HPSE2: variants seen among roughly 807,000 people sequenced by gnomAD.
The protein encoded by HPSE2 is inactive heparanase-2.
HPSE2 carries 38 observed loss-of-function variants against 60.5 expected under a neutral mutation model. The ratio of observed to expected loss-of-function variants is 0.63; its 90% CI spans 0.48 to 0.82. HPSE2 has a LOEUF of 0.82. Ranked by LOEUF, HPSE2 falls within the 40% of genes least tolerant of loss-of-function variation. The pLI is 0.00. For missense variants in HPSE2, 713 were observed against 740.4 expected, an observed-to-expected ratio of 0.96 and a Z score of 0.43; for synonymous variants, 295 against 293.2, an observed-to-expected ratio of 1.01 and a Z score of -0.06.
intron 6 of HPSE2, among the ~76,000 whole-genome samples, chr10:98,659,142 C>G (rs887375812): frequency 1.3e-5 from 2 of 151,968 alleles, no homozygotes; most frequent in African/African-American, 2.4e-5. Context: ...TTTTTTGTCT[C>G]TATGGATTTA....
chr10:98,471,893 A>G (rs1207321897), intron 11 of HPSE2, among the ~76,000 whole-genome samples: 1 of 152,216 alleles, frequency 6.6e-6, no homozygotes, highest in Non-Finnish European at 1.5e-5. Flanking sequence ...AGAGCTCCTT[A>G]TAGACAAAGA....
At chr10:98,870,854 T>A (rs1323677277) in intron 3 of HPSE2, among the ~76,000 whole-genome samples, 1 of 151,696 alleles carries the variant, frequency 6.6e-6, no homozygotes, top group Non-Finnish European at 1.5e-5. Context: ...AGATCCCTCA[T>A]GAAGGCAGAT....
At chr10:99,114,323 T>C (rs979350166) in intron 3 of HPSE2, among the ~76,000 whole-genome samples, 1 of 152,200 alleles carries the variant, frequency 6.6e-6, no homozygotes, top group Non-Finnish European at 1.5e-5. Flanking sequence ...CCAAAAAAAA[T>C]TCCTTTTTAT....
In HPSE2 at chr10:98,458,325, T is replaced by A. The variant is rs1266475247; in HGVS notation, c.*1249A>T. On this transcript the variant is annotated 3_prime_UTR_variant, in exon 12 of 12. Transcript: ENST00000370552. ...CCACAGAAAAGAAAGTCATTTCAGC[T>A]GTAGCTCATTGGCAAAGACCCTCAT... 1 of 152,242 alleles carries A rather than the reference T, an allele frequency of 6.6e-6. No individual in the cohort carries two copies. Among genetic ancestry groups the A allele is most frequent in the Non-Finnish European group, 1.5e-5 (1 of 68,060 alleles). The allele number at this position is 152,242 out of a possible 1,614,324, so 9.4% of individuals were successfully genotyped here.
At chr10:98,463,986 G>A (rs915234270) in intron 11 of HPSE2, among the ~76,000 whole-genome samples, 7 of 151,876 alleles carry the variant, frequency 4.6e-5, no homozygotes, top group South Asian at 2.1e-4. Flanking sequence ...GTGTGGTGGC[G>A]CACACCTGTA....
chr10:99,006,157 G>T (rs2135386914), intron 3 of HPSE2, among the ~76,000 whole-genome samples: 1 of 152,308 alleles, frequency 6.6e-6, no homozygotes, highest in African/African-American at 2.4e-5. Context: ...TCAGCCAGGT[G>T]CTGGGATGGT....
At chr10:98,563,981 T>C (rs1944266327) in intron 9 of HPSE2, among the ~76,000 whole-genome samples, 1 of 152,206 alleles carries the variant, frequency 6.6e-6, no homozygotes, top group Non-Finnish European at 1.5e-5. Context: ...AAAATGGAAA[T>C]GATGTCACCT....
intron 3 of HPSE2, among the ~76,000 whole-genome samples, chr10:98,955,138 G>A (rs1955473190): frequency 1.3e-5 from 2 of 151,922 alleles, no homozygotes; most frequent in Non-Finnish European, 2.9e-5. Flanking sequence ...TTAACCTATG[G>A]ATTTCATTCA....
intron 4 of HPSE2, among the ~76,000 whole-genome samples, chr10:98,726,289 G>C (rs1393577197): frequency 5.3e-5 from 8 of 152,050 alleles, no homozygotes; most frequent in Non-Finnish European, 1.0e-4. Context: ...TATACACCAT[G>C]GAATACTATG....
chr10:99,098,738 C>T (rs891089075), intron 3 of HPSE2, among the ~76,000 whole-genome samples: 6 of 152,146 alleles, frequency 3.9e-5, no homozygotes, highest in African/African-American at 1.4e-4. Flanking sequence ...ATCAGCTTCA[C>T]TTATGATAAT....
intron 7 of HPSE2, among the ~76,000 whole-genome samples, chr10:98,631,473 T>C (rs73339694): frequency 0.087 from 13,218 of 152,186 alleles, 1,369 homozygotes; most frequent in African/African-American, 0.24. Context: ...AGTCCTTTTC[T>C]GTGACTAACC....
chr10:99,305,997 A>ACACACACACACACC, the HPSE2 span, among the ~76,000 whole-genome samples: 3 of 149,862 alleles, frequency 2.0e-5, no homozygotes, highest in Non-Finnish European at 4.5e-5. Flanking sequence ...ACACACACAC[A>ACACACACACACACC]CACACACACA....
chr10:98,876,334 A>G (rs1324929471), intron 3 of HPSE2, among the ~76,000 whole-genome samples: 1 of 151,892 alleles, frequency 6.6e-6, no homozygotes, highest in Non-Finnish European at 1.5e-5. Flanking sequence ...GTGCTATGCT[A>G]GGCTGTTAGT....
chr10:99,229,320 A>C (rs545925369), intron 2 of HPSE2, among the ~76,000 whole-genome samples: 66 of 152,308 alleles, frequency 4.3e-4, no homozygotes, highest in Non-Finnish European at 6.8e-4. Flanking sequence ...TGTTCCTTAA[A>C]GATAATTCTC....
chr10:98,696,125 G>C (rs957213140), intron 5 of HPSE2, among the ~76,000 whole-genome samples: 1 of 151,826 alleles, frequency 6.6e-6, no homozygotes, highest in African/African-American at 2.4e-5. Context: ...AAAAAACCTA[G>C]ACAATCTTAG....
At chr10:98,756,236 T>A (rs1949875952) in intron 3 of HPSE2, among the ~76,000 whole-genome samples, 1 of 151,826 alleles carries the variant, frequency 6.6e-6, no homozygotes, top group Non-Finnish European at 1.5e-5. Context: ...ATGCCTCAAA[T>A]TAACAACCTA....
intron 3 of HPSE2, among the ~76,000 whole-genome samples, chr10:98,973,335 A>C (rs1483517848): frequency 1.3e-5 from 2 of 152,200 alleles, no homozygotes; most frequent in African/African-American, 4.8e-5. Context: ...TGAATGAATA[A>C]GCAATCTTCT....
chr10:99,291,483 C>G, the HPSE2 span, among the ~76,000 whole-genome samples: 20 of 151,080 alleles, frequency 1.3e-4, no homozygotes, highest in African/African-American at 4.6e-4. Context: ...ACTTGGGAGA[C>G]TGAGGCAGGA....
intron 4 of HPSE2, among the ~76,000 whole-genome samples, chr10:98,723,797 G>C (rs1456196921): frequency 6.6e-6 from 1 of 152,126 alleles, no homozygotes; most frequent in East Asian, 1.9e-4. Context: ...ATGTCTGTGG[G>C]ATCGGTGGTG....
Sources: gnomAD v4.1 joint callset for allele counts (sites outside exome capture counted in the v4.1 genomes callset) on GRCh38, gnomAD v4.1.1 for gene constraint, MANE v1.5 for transcripts, NCBI Gene and HGNC (gene_info 2026-07-23, HGNC 2026-07-21) for gene names.